The following CTNNA1 variants were observed in gnomAD, a reference collection of about 807,000 sequenced individuals.
CTNNA1 encodes catenin alpha 1, also known as catenin alpha-1.
In CTNNA1, 37 loss-of-function variants were observed where a neutral mutation model predicts 98.4. That is an observed-to-expected ratio of 0.38 (90% CI 0.29 to 0.49). CTNNA1 has a LOEUF of 0.49. CTNNA1 is among the 20% of genes least tolerant of loss of function. The probability of loss-of-function intolerance (pLI) is 0.95; values close to 1 mark genes in which losing one functional copy is unlikely to be tolerated. For synonymous variants in CTNNA1, 404 were observed against 413.2 expected (o/e 0.98, Z 0.27); for missense variants, 761 against 1,147.2 (o/e 0.66, Z 4.86).
At chr5:138,922,672 C>T (rs57170119) in intron 11 of CTNNA1, among the ~76,000 whole-genome samples, 15 of 152,098 alleles carry the variant, frequency 9.9e-5, no homozygotes, top group Admixed American at 1.3e-4. Flanking sequence ...AGCCTGTCCC[C>T]CTCTGTTGAA....
chr5:138,796,383 A>G (rs570975413), intron 3 of CTNNA1, among the ~76,000 whole-genome samples: 4 of 85,506 alleles, frequency 4.7e-5, no homozygotes, highest in African/African-American at 6.3e-5. Context: ...TCTCTACTAA[A>G]AATACAAAAA....
intron 7 of CTNNA1, chr5:138,880,896 G>T (rs896770077): frequency 2.7e-6 from 1 of 371,436 alleles, no homozygotes; most frequent in Non-Finnish European, 5.4e-6. Flanking sequence ...CCTCTTAATA[G>T]GTTCTGGGCT....
intron 6 of CTNNA1, 65 bp from the exon 7 acceptor site, chr5:138,827,450 T>C: frequency 6.4e-7 from 1 of 1,560,092 alleles, no homozygotes; most frequent in Non-Finnish European, 8.8e-7. Flanking sequence ...AATAACACTT[T>C]TCTCACCTTG....
intron 5 of CTNNA1, among the ~76,000 whole-genome samples, chr5:138,818,010 G>A (rs952430733): frequency 2.6e-5 from 4 of 151,644 alleles, no homozygotes; most frequent in African/African-American, 7.3e-5. Flanking sequence ...CCTTAGCCCC[G>A]TCCCTGCGCC....
chr5:138,885,292 G>A (rs1301220002), intron 7 of CTNNA1, among the ~76,000 whole-genome samples: 4 of 152,230 alleles, frequency 2.6e-5, no homozygotes, highest in East Asian at 1.9e-4. Flanking sequence ...AGAACAATGG[G>A]CTAAATTCCT....
chr5:138,932,115 G>A (rs536930237), intron 16 of CTNNA1: 20 of 986,926 alleles, frequency 2.0e-5, no homozygotes, highest in East Asian at 1.1e-4. Context: ...CATTAATAAC[G>A]CAAAGTGCCT....
Position 138,929,281 on chromosome 5 carries a change from A to G in CTNNA1, c.1935A>G (p.Thr645=), listed in dbSNP as rs1295685407. 7 of 1,610,700 alleles carry G rather than the reference A, an allele frequency of 4.3e-6. 1 individual carries two copies. In the Admixed American group the frequency reaches 1.0e-4, roughly 23 times the overall value. Reference sequence around the variant, plus strand: ...AGTTGGATGACTCTGACTTTGAGACAGAAGATTTTGATGTCAGAAGCAGGA... The same window carrying G: ...AGTTGGATGACTCTGACTTTGAGACGGAAGATTTTGATGTCAGAAGCAGGA... The part of the protein sequence containing the change: ...PEELDDSDFE[T]EDFDVRSRTS... The change falls in exon 14 of 18, where the codon ACA becomes ACG. Residue 645 remains threonine, a synonymous_variant. Transcript: ENST00000302763.
intron 3 of CTNNA1, among the ~76,000 whole-genome samples, chr5:138,801,760 A>G (rs148351580): frequency 7.0e-4 from 106 of 152,358 alleles, no homozygotes; most frequent in African/African-American, 2.5e-3. Flanking sequence ...TAATTGAAAG[A>G]TTATTCAACA....
chr5:138,766,171 C>CA (rs1752921744), intron 1 of CTNNA1, among the ~76,000 whole-genome samples: 1 of 152,048 alleles, frequency 6.6e-6, no homozygotes, highest in Non-Finnish European at 1.5e-5. Context: ...TGCTATGTGA[C>CA]AAGTGCTGGG....
intron 7 of CTNNA1, among the ~76,000 whole-genome samples, chr5:138,831,573 T>C (rs150946879): frequency 1.3e-4 from 20 of 152,328 alleles, no homozygotes; most frequent in South Asian, 2.1e-4. Context: ...TTCCTACCTA[T>C]GTAAACCTAA....
chr5:138,931,707 T>A, intron 16 of CTNNA1: 1 of 985,312 alleles, frequency 1.0e-6, no homozygotes, highest in Non-Finnish European at 1.2e-6. Context: ...TCTCTCCACT[T>A]CCTTCTGCAT....
chr5:138,786,188 A>G (rs969901136), intron 3 of CTNNA1, among the ~76,000 whole-genome samples: 5 of 152,116 alleles, frequency 3.3e-5, no homozygotes, highest in Non-Finnish European at 7.3e-5. Flanking sequence ...TTCTCTTTGG[A>G]AAAAAAGAGC....
At chr5:138,838,541 C>T (rs1024793019) in intron 7 of CTNNA1, among the ~76,000 whole-genome samples, 2 of 150,976 alleles carry the variant, frequency 1.3e-5, no homozygotes, top group African/African-American at 4.9e-5. Flanking sequence ...TTTTTTTTTC[C>T]TCTAATACTT....
intron 9 of CTNNA1, among the ~76,000 whole-genome samples, chr5:138,901,623 C>A (rs1758057946): frequency 6.6e-6 from 1 of 152,188 alleles, no homozygotes; most frequent in Non-Finnish European, 1.5e-5. Flanking sequence ...GAGATGGGGT[C>A]TTGCTATGTA....
chr5:138,769,149 T>C (rs1753252824), intron 1 of CTNNA1, among the ~76,000 whole-genome samples: 1 of 151,912 alleles, frequency 6.6e-6, no homozygotes, highest in Non-Finnish European at 1.5e-5. Context: ...CGCCTTGGCC[T>C]CCAAAGTTCT....
At chr5:138,757,310 CAG>C (rs1446177845) in intron 1 of CTNNA1, among the ~76,000 whole-genome samples, 3 of 151,984 alleles carry the variant, frequency 2.0e-5, no homozygotes, top group African/African-American at 7.3e-5. Flanking sequence ...GTTATGGGTA[CAG>C]AGTTCGGTTT....
intron 3 of CTNNA1, among the ~76,000 whole-genome samples, chr5:138,798,947 T>C (rs1410902179): frequency 6.6e-6 from 1 of 152,162 alleles, no homozygotes; most frequent in Non-Finnish European, 1.5e-5. Context: ...TGATATCTTA[T>C]AAATTTAAAC....
At chr5:138,820,729 T>C (rs184590766) in intron 5 of CTNNA1, among the ~76,000 whole-genome samples, 4 of 102,926 alleles carry the variant, frequency 3.9e-5, no homozygotes, top group South Asian at 3.7e-4. Flanking sequence ...GTTTAGTCGT[T>C]GTTTTGGGTG....
chr5:138,824,896 C>T (rs1760485456), intron 6 of CTNNA1, 97 bp downstream of exon 6: 1 of 1,104,698 alleles, frequency 9.1e-7, no homozygotes, highest in Non-Finnish European at 1.3e-6. Flanking sequence ...GATGATAGCT[C>T]AATTTCCACT....
Sources: allele counts gnomAD v4.1 joint callset (sites outside exome capture counted in the v4.1 genomes callset), GRCh38; gene constraint gnomAD v4.1.1; transcripts MANE v1.5; gene names NCBI Gene and HGNC (gene_info 2026-07-23, HGNC 2026-07-21).